Variants in PTPRG observed in about 807,000 individuals in gnomAD.
PTPRG encodes protein tyrosine phosphatase receptor type G.
Under a neutral mutation model 165.3 loss-of-function variants are expected in PTPRG, and 102 were observed. That is an observed-to-expected ratio of 0.62 (90% CI 0.53 to 0.73). The LOEUF (loss-of-function observed/expected upper bound fraction) is 0.73. Among genes scored for constraint, PTPRG ranks in the 30% least tolerant of loss-of-function variants. PTPRG has a pLI of 0.00. For missense variants in PTPRG, 1,866 were observed against 1,861.4 expected (o/e 1.00, Z -0.05); for synonymous variants, 675 against 669.5 (o/e 1.01, Z -0.13).
rs561334410 is a variant in PTPRG at position 61,939,928 on chromosome 3, C to CTTTTTTTTTTT, written c.191-49671_191-49661dup. On this transcript the variant is annotated intron_variant, in intron 2 of 29. Transcript: ENST00000474889. ...TGTCTTGGCTTCCTTACTGACTTGT[C>CTTTTTTTTTTT]TTTTTTTTTTTTTTTTTTTTTTTTT... 8.4e-4 allele frequency among the ~76,000 whole-genome samples: 33 copies of CTTTTTTTTTTT among 39,142 alleles called. 7 individuals carry two copies. Among genetic ancestry groups the CTTTTTTTTTTT allele is most frequent in the South Asian group, 3.3e-3 (2 of 614 alleles). The allele number at this position is 39,142 out of a possible 152,430, so 25.7% of individuals were successfully genotyped here.
intron 20 of PTPRG, 44 bp downstream of exon 20, chr3:62,269,213 T>A: frequency 2.0e-6 from 3 of 1,510,666 alleles, no homozygotes; most frequent in Non-Finnish European, 2.7e-6. Flanking sequence ...CCCCTTTTTA[T>A]ACTTGTATGA....
intron 1 of PTPRG, among the ~76,000 whole-genome samples, chr3:61,699,737 A>G (rs1450262649): frequency 2.0e-5 from 3 of 152,184 alleles, no homozygotes; most frequent in Non-Finnish European, 4.4e-5. Context: ...ACTACTGTGG[A>G]GAAACAAAAG....
rs542306888 is a variant in PTPRG, at chr3:62,069,684, T to TCTCTCTCTCTCTCTCACACA, written c.520-8478_520-8477insTCTCTCTCTCTCTCACACAC. On this transcript the variant is annotated intron_variant, in intron 4 of 29. Transcript: ENST00000474889. ...CTCTCTCTCTCTCTCTCTCTCTCTCTCACACACAGACACACGCACACACAC... is the reference window on the plus strand; with the variant it reads ...CTCTCTCTCTCTCTCTCTCTCTCTCTCTCTCTCTCTCTCTCACACACACACACAGACACACGCACACACAC... 2.1e-4 allele frequency among the ~76,000 whole-genome samples: 30 copies of TCTCTCTCTCTCTCTCACACA among 145,030 alleles called. No homozygotes were observed. In the East Asian group the frequency reaches 2.7e-3, roughly 13 times the overall value.
chr3:61,805,567 G>C (rs1039319563), intron 2 of PTPRG, among the ~76,000 whole-genome samples: 1 of 150,610 alleles, frequency 6.6e-6, no homozygotes. Flanking sequence ...GTGCCCCATG[G>C]CACAAGTTAT....
intron 2 of PTPRG, among the ~76,000 whole-genome samples, chr3:61,911,035 C>G (rs535382575): frequency 6.6e-6 from 1 of 152,350 alleles, no homozygotes; most frequent in South Asian, 2.1e-4. Flanking sequence ...GTTGTCCTCT[C>G]TGCATCCTCT....
intron 2 of PTPRG, among the ~76,000 whole-genome samples, chr3:61,830,138 A>G (rs1034829083): frequency 7.9e-5 from 12 of 152,198 alleles, no homozygotes; most frequent in Non-Finnish European, 1.6e-4. Context: ...TGAAAAATGC[A>G]TTTAAAAGCC....
In PTPRG at chr3:61,926,921, G is replaced by GA. The variant is rs1044513505; in HGVS notation, c.191-62694dup. Reference sequence around the variant, plus strand: ...AACGAAAAAAACAGTTCGGGGGGAAGAAAAAAAAAATCTGTACATGTTGTC... The same window carrying GA: ...AACGAAAAAAACAGTTCGGGGGGAAGAAAAAAAAAAATCTGTACATGTTGTC... On this transcript the variant is annotated intron_variant, in intron 2 of 29. Transcript: ENST00000474889. 1.1e-4 allele frequency among the ~76,000 whole-genome samples: 16 copies of GA among 149,872 alleles called. No individual in the cohort carries two copies. The East Asian group carries it at 1.8e-3, about 17-fold the overall frequency.
Position 62,218,934 on chromosome 3 carries a change from T to C in PTPRG, c.2239T>C (p.Leu747=). The change falls in exon 13 of 30, where the codon TTG becomes CTG. Residue 747 remains leucine, a synonymous_variant. Coordinates refer to ENST00000474889, the MANE Select transcript of PTPRG (RefSeq NM_002841.4). Reference sequence around the variant, plus strand: ...CATCCCTCTGATTGTGGTATCAGCCTTGACCTTCGTGTGCCTCATCCTTCT... The same window carrying C: ...CATCCCTCTGATTGTGGTATCAGCCCTGACCTTCGTGTGCCTCATCCTTCT... ...WIIPLIVVSA[L]TFVCLILLIA... is the part of the protein sequence containing the mutation. 1 of 1,614,172 alleles carries C rather than the reference T, an allele frequency of 6.2e-7. No homozygotes were observed. The highest frequency in any genetic ancestry group is 8.5e-7 in the Non-Finnish European group (1 of 1,179,996).
At chr3:61,628,061 CAG>C (rs1306076238) in intron 1 of PTPRG, among the ~76,000 whole-genome samples, 1 of 152,206 alleles carries the variant, frequency 6.6e-6, no homozygotes, top group East Asian at 1.9e-4. Context: ...TATGGACAGA[CAG>C]ATATATCCCT....
chr3:62,050,688 A>C (rs1700444036), intron 4 of PTPRG, among the ~76,000 whole-genome samples: 1 of 152,228 alleles, frequency 6.6e-6, no homozygotes, highest in South Asian at 2.1e-4. Context: ...AAATGCGAGA[A>C]TTTAGTGACT....
chr3:61,679,314 G>T (rs1035773951), intron 1 of PTPRG, among the ~76,000 whole-genome samples: 1 of 152,220 alleles, frequency 6.6e-6, no homozygotes, highest in Non-Finnish European at 1.5e-5. Context: ...CAGGAGGACA[G>T]AATGCATGCT....
intron 1 of PTPRG, among the ~76,000 whole-genome samples, chr3:61,688,146 T>G (rs548684801): frequency 6.6e-6 from 1 of 152,322 alleles, no homozygotes; most frequent in African/African-American, 2.4e-5. Flanking sequence ...AGAACTGTCC[T>G]GTCACTCTTC....
intron 1 of PTPRG, among the ~76,000 whole-genome samples, chr3:61,683,824 G>C (rs1417150767): frequency 6.6e-6 from 1 of 152,186 alleles, no homozygotes; most frequent in African/African-American, 2.4e-5. Flanking sequence ...TAAAAACTTG[G>C]TAAATTTAGT....
At chr3:62,097,576 A>G (rs1041289296) in intron 5 of PTPRG, among the ~76,000 whole-genome samples, 1 of 152,212 alleles carries the variant, frequency 6.6e-6, no homozygotes, top group East Asian at 1.9e-4. Flanking sequence ...ATGCCATAGC[A>G]TAGTAGGAAT....
At chr3:62,001,387 T>A (rs1363756191) in intron 3 of PTPRG, among the ~76,000 whole-genome samples, 1 of 152,228 alleles carries the variant, frequency 6.6e-6, no homozygotes, top group Non-Finnish European at 1.5e-5. Flanking sequence ...TATAAGATGC[T>A]GCTGATTCCC....
intron 4 of PTPRG, among the ~76,000 whole-genome samples, chr3:62,056,956 C>T (rs1389015399): frequency 6.6e-6 from 1 of 152,176 alleles, no homozygotes; most frequent in Non-Finnish European, 1.5e-5. Flanking sequence ...AGACTGAAAG[C>T]GCATTATGCA....
At chr3:61,758,657 T>A (rs2033721748) in intron 2 of PTPRG, among the ~76,000 whole-genome samples, 1 of 152,226 alleles carries the variant, frequency 6.6e-6, no homozygotes, top group East Asian at 1.9e-4. Flanking sequence ...TTCACCATAT[T>A]GGCCAGGCTG....
chr3:61,687,284 T>C (rs1703663471), intron 1 of PTPRG, among the ~76,000 whole-genome samples: 1 of 152,250 alleles, frequency 6.6e-6, no homozygotes, highest in Non-Finnish European at 1.5e-5. Context: ...AGTTGGTCCT[T>C]AGCCATCCAC....
intron 4 of PTPRG, among the ~76,000 whole-genome samples, chr3:62,037,469 A>C (rs960037176): frequency 2.0e-5 from 3 of 152,110 alleles, no homozygotes; most frequent in Non-Finnish European, 4.4e-5. Flanking sequence ...AGCCCCCTAT[A>C]AGTTGTGACA....
Sources: gnomAD v4.1 joint callset for allele counts (sites outside exome capture counted in the v4.1 genomes callset) on GRCh38, gnomAD v4.1.1 for gene constraint, MANE v1.5 for transcripts, NCBI Gene and HGNC (gene_info 2026-07-23, HGNC 2026-07-21) for gene names.